The following SNX4 variants were observed in gnomAD, a reference collection of about 807,000 sequenced individuals.
The protein encoded by SNX4 is sorting nexin-4.
Under a neutral mutation model 70.8 loss-of-function variants are expected in SNX4, and 49 were observed. The observed-to-expected ratio is 0.69, with a 90% CI of 0.55 to 0.88. SNX4 has a LOEUF of 0.88. Among genes scored for constraint, SNX4 ranks in the 40% least tolerant of loss-of-function variants. SNX4 has a pLI of 0.00. For synonymous variants in SNX4, 206 were observed against 183.8 expected, an observed-to-expected ratio of 1.12 and a Z score of -0.98; for missense variants, 528 against 544.8, an observed-to-expected ratio of 0.97 and a Z score of 0.31.
chr3:125,507,919 A>G (rs1311615415), intron 1 of SNX4, among the ~76,000 whole-genome samples: 1 of 152,172 alleles, frequency 6.6e-6, no homozygotes, highest in Admixed American at 6.6e-5. Context: ...TCAAAAAAAG[A>G]AAACAAAACA....
chr3:125,519,915 G>A, intron 1 of SNX4, 117 bp downstream of exon 1: 3 of 956,224 alleles, frequency 3.1e-6, no homozygotes, highest in African/African-American at 1.8e-5. Flanking sequence ...CCTCACTGCT[G>A]GGCCTCCTCG....
At chr3:125,466,427 A>T (rs1252825880) in intron 9 of SNX4, among the ~76,000 whole-genome samples, 1 of 152,194 alleles carries the variant, frequency 6.6e-6, no homozygotes, top group Admixed American at 6.5e-5. Context: ...CTCCAAAAGC[A>T]ATTGCAACAA....
chr3:125,457,439 G>T, intron 10 of SNX4, 74 bp from the exon 11 acceptor site: 2 of 1,112,964 alleles, frequency 1.8e-6, no homozygotes, highest in Non-Finnish European at 1.4e-6. Flanking sequence ...GGGTAGAGGA[G>T]AACCATTCAC....
At chr3:125,468,311 T>C (rs1934082083) in intron 9 of SNX4, among the ~76,000 whole-genome samples, 1 of 152,186 alleles carries the variant, frequency 6.6e-6, no homozygotes, top group African/African-American at 2.4e-5. Flanking sequence ...TACTGGGTGA[T>C]GAAATGATCT....
At chr3:125,498,420 G>A (rs1934858895) in intron 2 of SNX4, among the ~76,000 whole-genome samples, 1 of 152,000 alleles carries the variant, frequency 6.6e-6, no homozygotes, top group Admixed American at 6.6e-5. Flanking sequence ...CCTGGGCTCA[G>A]GCAATCCTCC....
chr3:125,466,379 T>G (rs1300384752), intron 9 of SNX4, among the ~76,000 whole-genome samples: 1 of 151,372 alleles, frequency 6.6e-6, no homozygotes, highest in African/African-American at 2.4e-5. Context: ...TAAATACCAT[T>G]TGGGACATAG....
At chr3:125,476,902 C>A (rs1312753474) in intron 7 of SNX4, 146 bp from the exon 8 acceptor site, 5 of 553,086 alleles carry the variant, frequency 9.0e-6, no homozygotes, top group Non-Finnish European at 1.6e-5. Flanking sequence ...AATCCCATCC[C>A]CCTAAAACTA....
intron 1 of SNX4, among the ~76,000 whole-genome samples, chr3:125,512,632 T>C (rs1267450563): frequency 6.6e-6 from 1 of 152,108 alleles, no homozygotes; most frequent in African/African-American, 2.4e-5. Context: ...CCAGGGACCT[T>C]TTAAAGAGAC....
At chr3:125,473,690 C>T (rs1386422713) in intron 8 of SNX4, among the ~76,000 whole-genome samples, 1 of 152,204 alleles carries the variant, frequency 6.6e-6, no homozygotes, top group Non-Finnish European at 1.5e-5. Flanking sequence ...GCTGGGATTA[C>T]AGGCATGAGC....
At chr3:125,474,119 T>C (rs1934238518) in intron 8 of SNX4, among the ~76,000 whole-genome samples, 1 of 152,142 alleles carries the variant, frequency 6.6e-6, no homozygotes, top group Non-Finnish European at 1.5e-5. Flanking sequence ...ATCTTGGTAT[T>C]CTTGGCACCT....
intron 1 of SNX4, among the ~76,000 whole-genome samples, chr3:125,508,988 A>C (rs535317506): frequency 6.6e-6 from 1 of 152,278 alleles, no homozygotes; most frequent in Non-Finnish European, 1.5e-5. Flanking sequence ...AGTAAAAGAA[A>C]AAATTGGCAA....
chr3:125,480,257 C>A lies in SNX4; in HGVS notation c.716G>T (p.Arg239Leu). ...TTGGGGACCACTTACAGCTCTGACTCGAAGAAGATGTGAGATGACAGACTG... is the reference window on the plus strand; with the variant it reads ...TTGGGGACCACTTACAGCTCTGACTAGAAGAAGATGTGAGATGACAGACTG... ...ELQSVISHLLRVRARVADRLY... is the reference protein window; with the variant it reads ...ELQSVISHLLLVRARVADRLY... The change falls in exon 7 of 14, where the codon CGA (arginine) becomes CTA (leucine). Residue 239 changes from arginine to leucine, a missense_variant. Transcript: ENST00000251775. The A allele has an allele frequency of 6.4e-7, 1 of 1,558,474 alleles. No individual in the cohort carries two copies. Among genetic ancestry groups the A allele is most frequent in the Non-Finnish European group, 8.7e-7 (1 of 1,148,832 alleles).
At chr3:125,501,685 G>A (rs1381385625) in intron 2 of SNX4, among the ~76,000 whole-genome samples, 1 of 151,208 alleles carries the variant, frequency 6.6e-6, no homozygotes, top group Non-Finnish European at 1.5e-5. Context: ...AATAAAAAAT[G>A]TAAAATCCTG....
intron 1 of SNX4, among the ~76,000 whole-genome samples, chr3:125,518,757 C>T (rs1340195243): frequency 1.3e-5 from 2 of 151,900 alleles, no homozygotes; most frequent in Non-Finnish European, 2.9e-5. Flanking sequence ...AATCCCAGCA[C>T]CTTGGGAGGC....
chr3:125,496,631 C>T (rs532701395), intron 5 of SNX4, among the ~76,000 whole-genome samples: 37 of 152,028 alleles, frequency 2.4e-4, no homozygotes, highest in Admixed American at 4.6e-4. Context: ...TTTGTAATAA[C>T]CTTTGTTGTA....
intron 9 of SNX4, among the ~76,000 whole-genome samples, chr3:125,468,332 TC>T (rs1480903460): frequency 6.6e-6 from 1 of 152,104 alleles, no homozygotes; most frequent in East Asian, 1.9e-4. Context: ...GTACACCAAA[TC>T]CCCATGTCAG....
At chr3:125,490,390 C>T (rs1438801795) in intron 5 of SNX4, among the ~76,000 whole-genome samples, 2 of 150,546 alleles carry the variant, frequency 1.3e-5, no homozygotes, top group East Asian at 2.0e-4. Flanking sequence ...GGCGTGGTGG[C>T]GCGTGCCTGT....
At position 125,497,910 on chromosome 3, in the gene SNX4, A is replaced by G; in HGVS notation, c.473T>C (p.Leu158Ser). The change falls in exon 4 of 14, where the codon TTA (leucine) becomes TCA (serine). Residue 158 changes from leucine (L) to serine (S), a missense_variant. Leu to Ser is a moderately radical substitution (Grantham distance 145). Transcript: ENST00000251775. ...AGCAATCCTCAAGAGAAAGTTTTCT[A>G]AACCAATCCGTCGCCTCTCCACAAA... is the stretch of plus-strand genomic sequence containing the variant. The part of the protein sequence containing the change: ...PDFVERRRIG[L>S]ENFLLRIASH... 1 of 1,614,208 alleles carries G rather than the reference A, an allele frequency of 6.2e-7. No individual in the cohort carries two copies. Among genetic ancestry groups the G allele is most frequent in the Non-Finnish European group, 8.5e-7 (1 of 1,180,014 alleles).
intron 5 of SNX4, among the ~76,000 whole-genome samples, chr3:125,492,417 T>C (rs943866515): frequency 2.6e-5 from 4 of 151,798 alleles, no homozygotes; most frequent in African/African-American, 7.3e-5. Flanking sequence ...ATAACTGTTG[T>C]CCTAATCTTT....
Sources: gnomAD v4.1 joint callset for allele counts (sites outside exome capture counted in the v4.1 genomes callset) on GRCh38, gnomAD v4.1.1 for gene constraint, MANE v1.5 for transcripts, NCBI Gene and HGNC (gene_info 2026-07-23, HGNC 2026-07-21) for gene names.